The following PTPRT variants were observed in gnomAD, a reference collection of about 807,000 sequenced individuals.
PTPRT encodes protein tyrosine phosphatase receptor type T, also known as receptor-type tyrosine-protein phosphatase T.
Under a neutral mutation model 176.8 loss-of-function variants are expected in PTPRT, and 56 were observed. The observed-to-expected ratio is 0.32, with a 90% confidence interval of 0.26 to 0.40. The LOEUF (loss-of-function observed/expected upper bound fraction) is 0.40. PTPRT is among the 10% of genes least tolerant of loss of function. The pLI, the probability that PTPRT is intolerant of heterozygous loss-of-function variation, is 1.00. For missense variants in PTPRT, 1,540 were observed against 1,908.2 expected (o/e 0.81, Z 3.60); for synonymous variants, 783 against 739.0 (o/e 1.06, Z -0.96).
At chr20:42,774,069 T>C (rs569602702) in intron 4 of PTPRT, among the ~76,000 whole-genome samples, 11 of 152,276 alleles carry the variant, frequency 7.2e-5, no homozygotes, top group Admixed American at 4.6e-4. Flanking sequence ...GTAGAGAGTT[T>C]AGATGTTTAA....
chr20:42,263,474 G>T (rs758658452), intron 13 of PTPRT, among the ~76,000 whole-genome samples: 2 of 138,658 alleles, frequency 1.4e-5, no homozygotes, highest in Non-Finnish European at 3.0e-5. Flanking sequence ...TCCACCTCCC[G>T]GCTTCAAGTG....
chr20:42,771,618 A>G, intron 4 of PTPRT, 68 bp from the exon 5 acceptor site: 2 of 1,339,798 alleles, frequency 1.5e-6, no homozygotes, highest in South Asian at 2.4e-5. Flanking sequence ...CTATTGGTGG[A>G]TGGCAGCTCA....
chr20:42,335,152 G>C (rs2058022656), intron 11 of PTPRT, among the ~76,000 whole-genome samples: 1 of 152,224 alleles, frequency 6.6e-6, no homozygotes, highest in Non-Finnish European at 1.5e-5. Context: ...TGTTGGAGTA[G>C]TCAAGTGTGG....
chr20:42,405,379 TC>T (rs2058951271), intron 9 of PTPRT, among the ~76,000 whole-genome samples: 1 of 152,114 alleles, frequency 6.6e-6, no homozygotes, highest in African/African-American at 2.4e-5. Context: ...TGTGTGATGT[TC>T]CCCTTCCTGG....
At chr20:42,108,041 A>G (rs79979355) in intron 23 of PTPRT, among the ~76,000 whole-genome samples, 4,286 of 105,824 alleles carry the variant, frequency 0.041, 80 homozygotes, top group African/African-American at 0.091. Context: ...GAGGGAGTAT[A>G]GGGGGGGTCA....
intron 7 of PTPRT, among the ~76,000 whole-genome samples, chr20:42,549,851 T>G (rs1568969625): frequency 6.6e-6 from 1 of 152,004 alleles, no homozygotes. Flanking sequence ...ATCGTGGTAG[T>G]GGGTCAAGAA....
chr20:42,154,933 G>T (rs1163093528), intron 17 of PTPRT, among the ~76,000 whole-genome samples: 3 of 152,118 alleles, frequency 2.0e-5, no homozygotes, highest in Non-Finnish European at 2.9e-5. Flanking sequence ...TAATAGGAAG[G>T]GTATATGGTT....
intron 6 of PTPRT, among the ~76,000 whole-genome samples, chr20:42,741,419 A>G (rs1196190748): frequency 1.3e-5 from 2 of 152,100 alleles, no homozygotes; most frequent in Non-Finnish European, 2.9e-5. Context: ...ATCTTGGCTC[A>G]CTGCAACCTC....
At chr20:42,384,987 C>T (rs1354047038) in intron 9 of PTPRT, among the ~76,000 whole-genome samples, 1 of 152,138 alleles carries the variant, frequency 6.6e-6, no homozygotes, top group Non-Finnish European at 1.5e-5. Context: ...TTGGATGTTA[C>T]ATTTATCAGG....
At chr20:42,147,970 A>G (rs1474638837) in intron 17 of PTPRT, among the ~76,000 whole-genome samples, 1 of 152,106 alleles carries the variant, frequency 6.6e-6, no homozygotes, top group Non-Finnish European at 1.5e-5. Context: ...TGAGGGGGAA[A>G]AGTATGAAAG....
intron 11 of PTPRT, among the ~76,000 whole-genome samples, chr20:42,332,963 G>T (rs2057989361): frequency 6.6e-6 from 1 of 152,158 alleles, no homozygotes; most frequent in South Asian, 2.1e-4. Flanking sequence ...GCACTCAAGT[G>T]CAAGACAGAT....
intron 18 of PTPRT, among the ~76,000 whole-genome samples, chr20:42,132,774 TA>T (rs1988180910): frequency 6.6e-6 from 1 of 152,220 alleles, no homozygotes; most frequent in African/African-American, 2.4e-5. Flanking sequence ...CTTACAAGAC[TA>T]AACATACACT....
chr20:42,544,589 A>G (rs2145591342), intron 7 of PTPRT, among the ~76,000 whole-genome samples: 1 of 152,252 alleles, frequency 6.6e-6, no homozygotes, highest in Admixed American at 6.5e-5. Context: ...AACCCACTGT[A>G]TGCCAGACTT....
chr20:42,667,809 G>A (rs2075342092), intron 7 of PTPRT, among the ~76,000 whole-genome samples: 1 of 152,306 alleles, frequency 6.6e-6, no homozygotes, highest in South Asian at 2.1e-4. Context: ...GTGCCACTTT[G>A]CTTCCAGGCA....
chr20:42,620,573 C>T (rs2074173879), intron 7 of PTPRT, among the ~76,000 whole-genome samples: 1 of 151,808 alleles, frequency 6.6e-6, no homozygotes, highest in Admixed American at 6.5e-5. Flanking sequence ...TCTCAGACTG[C>T]TGTGCTAGCA....
intron 2 of PTPRT, among the ~76,000 whole-genome samples, chr20:42,850,365 A>G (rs1440760369): frequency 1.3e-5 from 2 of 152,202 alleles, no homozygotes; most frequent in Non-Finnish European, 2.9e-5. Flanking sequence ...CCCTCCAATT[A>G]CTAACTCTGT....
chr20:42,300,618 T>C (rs188905794), intron 12 of PTPRT, among the ~76,000 whole-genome samples: 11 of 151,948 alleles, frequency 7.2e-5, no homozygotes, highest in Admixed American at 2.0e-4. Flanking sequence ...AATCTATAAA[T>C]TTTTATCAAT....
chr20:42,146,546 G>A (rs553033149), intron 17 of PTPRT, among the ~76,000 whole-genome samples: 51 of 152,198 alleles, frequency 3.4e-4, no homozygotes, highest in Middle Eastern at 3.4e-3. Context: ...AGACTCTCTG[G>A]GGTGGGACAT....
At chr20:42,874,524 T>A (rs2078898884) in intron 2 of PTPRT, among the ~76,000 whole-genome samples, 1 of 152,234 alleles carries the variant, frequency 6.6e-6, no homozygotes, top group Admixed American at 6.5e-5. Flanking sequence ...ACTTATGGTA[T>A]CTAATATACA....
Sources: allele counts gnomAD v4.1 joint callset (sites outside exome capture counted in the v4.1 genomes callset), GRCh38; gene constraint gnomAD v4.1.1; transcripts MANE v1.5; gene names NCBI Gene and HGNC (gene_info 2026-07-23, HGNC 2026-07-21).